Variants in NR3C2 observed in about 807,000 individuals in gnomAD.
NR3C2 encodes nuclear receptor subfamily 3 group C member 2.
A neutral mutation model predicts 86.4 loss-of-function variants in NR3C2; 15 were observed. That is an observed-to-expected ratio of 0.17 (90% CI 0.12 to 0.27). NR3C2 has a LOEUF of 0.27. NR3C2 is among the 10% of genes least tolerant of loss of function. The pLI is 1.00. For synonymous variants in NR3C2, 458 were observed against 450.5 expected (o/e 1.02, Z -0.21); for missense variants, 960 against 1,195.6 (o/e 0.80, Z 2.91).
At chr4:148,294,545 GT>G (rs58582399) in intron 2 of NR3C2, among the ~76,000 whole-genome samples, 39,301 of 151,414 alleles carry the variant, frequency 0.26, 5,218 homozygotes, top group Middle Eastern at 0.45. Flanking sequence ...TCACAAAACA[GT>G]TTTTTTTCCT....
chr4:148,307,888 C>T (rs1411249213), intron 2 of NR3C2, among the ~76,000 whole-genome samples: 2 of 151,238 alleles, frequency 1.3e-5, no homozygotes, highest in African/African-American at 2.4e-5. Flanking sequence ...CTTGAAGATA[C>T]TCTAAAAGAA....
intron 3 of NR3C2, among the ~76,000 whole-genome samples, chr4:148,195,365 G>A (rs1736393414): frequency 6.6e-6 from 1 of 152,194 alleles, no homozygotes; most frequent in Admixed American, 6.5e-5. Context: ...TGTGGGCACA[G>A]CACAGGCTTA....
intron 3 of NR3C2, among the ~76,000 whole-genome samples, chr4:148,249,727 A>G (rs933064228): frequency 6.6e-6 from 1 of 152,186 alleles, no homozygotes; most frequent in African/African-American, 2.4e-5. Context: ...GGTGAGGTAT[A>G]AGAATTCACT....
chr4:148,315,001 T>C (rs1743094877), intron 2 of NR3C2, among the ~76,000 whole-genome samples: 1 of 152,210 alleles, frequency 6.6e-6, no homozygotes, highest in Admixed American at 6.5e-5. Context: ...CACTCTTATT[T>C]ATAATTCAGG....
rs568752887 is a variant in NR3C2 at position 148,342,768 on chromosome 4, T to G, written c.1758-82651A>C. On this transcript the variant is annotated intron_variant, in intron 2 of 8. Coordinates refer to ENST00000358102, the MANE Select transcript of NR3C2 (RefSeq NM_000901.5). ...AAATTTTTTATCTTATTTCTAAATCTCACCATTTTTATAACAGTAACAGTA... is the reference window on the plus strand; with the variant it reads ...AAATTTTTTATCTTATTTCTAAATCGCACCATTTTTATAACAGTAACAGTA... Among the ~76,000 whole-genome samples, 3 of 152,282 alleles carry G rather than the reference T, an allele frequency of 2.0e-5. No individual in the cohort carries two copies. In the East Asian group the frequency reaches 5.8e-4, roughly 29 times the overall value.
intron 2 of NR3C2, among the ~76,000 whole-genome samples, chr4:148,301,482 T>A (rs912254391): frequency 1.5e-4 from 23 of 152,230 alleles, no homozygotes; most frequent in African/African-American, 5.5e-4. Flanking sequence ...TAAACGTTAA[T>A]CTTGCAAAAG....
intron 2 of NR3C2, among the ~76,000 whole-genome samples, chr4:148,282,098 C>T (rs1050991452): frequency 6.6e-5 from 10 of 152,046 alleles, no homozygotes; most frequent in African/African-American, 2.2e-4. Flanking sequence ...GGTGTGATCT[C>T]GGATCACTAC....
intron 2 of NR3C2, among the ~76,000 whole-genome samples, chr4:148,349,207 T>C (rs1242608813): frequency 6.6e-6 from 1 of 152,154 alleles, no homozygotes; most frequent in Non-Finnish European, 1.5e-5. Context: ...TTTCACATAC[T>C]CTGTCACCTC....
At position 148,119,906 on chromosome 4, in the gene NR3C2, T is replaced by C. The variant is rs12499208; in HGVS notation, c.2641+252A>G. 0.53 allele frequency among the ~76,000 whole-genome samples: 79,832 copies of C among 152,034 alleles called. 21,149 individuals are homozygous for C. Among genetic ancestry groups the C allele is most frequent in the East Asian group, 0.71 (3,673 of 5,170 alleles). ...CCAATCCTACCATACACATAACAGA[T>C]ACTTTATAAACACTGAGTGGTTGGA... On this transcript the variant is annotated intron_variant, in intron 7 of 8. Coordinates refer to ENST00000358102, the MANE Select transcript of NR3C2 (RefSeq NM_000901.5).
At chr4:148,257,682 T>C (rs3910048) in intron 3 of NR3C2, among the ~76,000 whole-genome samples, 4,785 of 152,162 alleles carry the variant, frequency 0.031, 234 homozygotes, top group African/African-American at 0.11. Context: ...TATATAAAGA[T>C]AGCCATCTTT....
chr4:148,319,767 G>T (rs1011634342), intron 2 of NR3C2, among the ~76,000 whole-genome samples: 1 of 150,708 alleles, frequency 6.6e-6, no homozygotes, highest in African/African-American at 2.5e-5. Context: ...TCAGCTTAAG[G>T]AGATTTTGGG....
chr4:148,201,078 C>A (rs375615017), intron 3 of NR3C2: 3 of 152,204 alleles, frequency 2.0e-5, no homozygotes, highest in African/African-American at 7.2e-5. Flanking sequence ...GAAACTGCGG[C>A]CTCTATGGCA....
upstream of NR3C2, among the ~76,000 whole-genome samples, chr4:148,443,488 G>C (rs1579306191): frequency 6.6e-6 from 1 of 152,210 alleles, no homozygotes; most frequent in South Asian, 2.1e-4. Flanking sequence ...TCTAAGGATC[G>C]GTTGTCTGCA....
At chr4:148,372,426 G>T (rs980776863) in intron 2 of NR3C2, among the ~76,000 whole-genome samples, 2 of 151,804 alleles carry the variant, frequency 1.3e-5, no homozygotes, top group Non-Finnish European at 2.9e-5. Flanking sequence ...ATCCTTGAAG[G>T]TGATATGACC....
At chr4:148,326,420 TAAAATAA>T (rs139587912) in intron 2 of NR3C2, among the ~76,000 whole-genome samples, 2,088 of 151,524 alleles carry the variant, frequency 0.014, 40 homozygotes, top group African/African-American at 0.047. Flanking sequence ...AATAAATAAA[TAAAATAA>T]AAAATAAAAA....
At chr4:148,379,654 T>C (rs150096424) in intron 2 of NR3C2, among the ~76,000 whole-genome samples, 10 of 152,280 alleles carry the variant, frequency 6.6e-5, no homozygotes, top group African/African-American at 2.4e-4. Context: ...AAAAACAAAA[T>C]TGTGTCATAT....
intron 3 of NR3C2, among the ~76,000 whole-genome samples, chr4:148,210,951 A>G (rs1381162388): frequency 6.6e-6 from 1 of 152,168 alleles, no homozygotes; most frequent in Admixed American, 6.5e-5. Context: ...CTTTGCTTCT[A>G]TGGTCCTGAA....
intron 3 of NR3C2, among the ~76,000 whole-genome samples, chr4:148,221,748 G>C (rs1737859596): frequency 1.3e-5 from 2 of 151,988 alleles, no homozygotes; most frequent in Non-Finnish European, 2.9e-5. Context: ...CAAAAAATTA[G>C]CTGGGCGTGG....
chr4:148,131,450 A>G (rs1420334537), intron 6 of NR3C2, among the ~76,000 whole-genome samples: 29 of 152,188 alleles, frequency 1.9e-4, no homozygotes, highest in Admixed American at 1.9e-3. Context: ...TCAAACCTCA[A>G]TTAGAATAAA....
Sources: gnomAD v4.1 joint callset for allele counts (sites outside exome capture counted in the v4.1 genomes callset) on GRCh38, gnomAD v4.1.1 for gene constraint, MANE v1.5 for transcripts, NCBI Gene and HGNC (gene_info 2026-07-23, HGNC 2026-07-21) for gene names.